DAB1: variants seen among roughly 807,000 people sequenced by gnomAD.
DAB1 encodes disabled homolog 1.
In DAB1, 15 loss-of-function variants were observed where a neutral mutation model predicts 64.6. That is an observed-to-expected ratio of 0.23 (90% CI 0.16 to 0.36). The LOEUF is 0.36. Among genes scored for constraint, DAB1 ranks in the 10% least tolerant of loss-of-function variants. The probability of loss-of-function intolerance (pLI) is 1.00; values close to 1 mark genes in which losing one functional copy is unlikely to be tolerated. For synonymous variants in DAB1, 235 were observed against 251.9 expected, an observed-to-expected ratio of 0.93 and a Z score of 0.64; for missense variants, 596 against 706.7, an observed-to-expected ratio of 0.84 and a Z score of 1.78.
chr1:58,326,553 T>G (rs1210336084), intron 4 of DAB1, among the ~76,000 whole-genome samples: 1 of 152,220 alleles, frequency 6.6e-6, no homozygotes, highest in African/African-American at 2.4e-5. Context: ...TGAGTCACAT[T>G]CAGCAAATGC....
At chr1:57,230,022 T>C (rs546581115) in intron 2 of DAB1, among the ~76,000 whole-genome samples, 58 of 152,352 alleles carry the variant, frequency 3.8e-4, no homozygotes, top group African/African-American at 1.3e-3. Context: ...TATTGAAGCA[T>C]ATATTTCTCC....
At chr1:58,223,626 A>G (rs975129538) in intron 4 of DAB1, among the ~76,000 whole-genome samples, 6 of 152,160 alleles carry the variant, frequency 3.9e-5, no homozygotes, top group South Asian at 2.1e-4. Flanking sequence ...TTTCAGCCCA[A>G]CGAATCTGAA....
chr1:57,306,513 C>CTTTTT (rs1166241090), intron 1 of DAB1, among the ~76,000 whole-genome samples: 15 of 114,316 alleles, frequency 1.3e-4, no homozygotes, highest in Non-Finnish European at 2.2e-4. Flanking sequence ...TTAGAACAGG[C>CTTTTT]TTTTTTTTTT....
chr1:57,293,056 T>A lies in DAB1; in HGVS notation c.-136-1890A>T, dbSNP rs1354660363. Among the ~76,000 whole-genome samples the A allele has an allele frequency of 3.3e-5, 5 of 152,114 alleles. No individual in the cohort carries two copies. The East Asian group carries it at 9.7e-4, about 29-fold the overall frequency. On this transcript the variant is annotated intron_variant, in intron 1 of 14. Coordinates refer to ENST00000371236, the MANE Select transcript of DAB1 (RefSeq NM_001365792.1). ...ATGAATGAATGAATGAATGAGTGGT[T>A]GTCTCAGGCAGAAAGATCAGCATGT...
chr1:57,835,054 T>C (rs879600674), intron 1 of DAB1, among the ~76,000 whole-genome samples: 3 of 152,216 alleles, frequency 2.0e-5, no homozygotes, highest in South Asian at 2.1e-4. Context: ...ATTCTTTGAC[T>C]GATGGATTGG....
At chr1:58,382,342 A>T (rs1181488680) in intron 3 of DAB1, among the ~76,000 whole-genome samples, 1 of 152,206 alleles carries the variant, frequency 6.6e-6, no homozygotes, top group Non-Finnish European at 1.5e-5. Context: ...CAGCTGGGGA[A>T]ATAGTCACAG....
intron 2 of DAB1, among the ~76,000 whole-genome samples, chr1:57,278,561 G>A (rs1458924082): frequency 6.6e-6 from 1 of 152,154 alleles, no homozygotes; most frequent in Non-Finnish European, 1.5e-5. Flanking sequence ...GAATCACAAG[G>A]CTTAATTCCA....
intron 4 of DAB1, among the ~76,000 whole-genome samples, chr1:58,275,220 T>C (rs1661413443): frequency 6.6e-6 from 1 of 152,176 alleles, no homozygotes; most frequent in African/African-American, 2.4e-5. Context: ...CCTAAAACTA[T>C]AAAACTTTCA....
chr1:57,755,253 G>C (rs1353784706), intron 6 of DAB1, among the ~76,000 whole-genome samples: 1 of 151,976 alleles, frequency 6.6e-6, no homozygotes, highest in Non-Finnish European at 1.5e-5. Flanking sequence ...GAGTAGCTTT[G>C]AATCTATAAA....
At chr1:58,205,364 T>C (rs1658213993) in intron 4 of DAB1, among the ~76,000 whole-genome samples, 1 of 152,192 alleles carries the variant, frequency 6.6e-6, no homozygotes, top group Non-Finnish European at 1.5e-5. Context: ...TTTTACTCCA[T>C]GGCTATGACC....
At chr1:57,656,521 T>A (rs926589585) in intron 6 of DAB1, among the ~76,000 whole-genome samples, 4 of 152,362 alleles carry the variant, frequency 2.6e-5, no homozygotes, top group African/African-American at 9.6e-5. Context: ...TGGACCAGAA[T>A]GTGACTGCAG....
chr1:58,263,022 A>G (rs919436564), intron 4 of DAB1, among the ~76,000 whole-genome samples: 1 of 152,236 alleles, frequency 6.6e-6, no homozygotes, highest in African/African-American at 2.4e-5. Context: ...CAAGCCACCT[A>G]GATTTCTGGA....
At chr1:57,784,254 T>C (rs1460205577) in intron 6 of DAB1, among the ~76,000 whole-genome samples, 1 of 151,992 alleles carries the variant, frequency 6.6e-6, no homozygotes, top group Non-Finnish European at 1.5e-5. Context: ...ATTAGCCAAG[T>C]ATGGTGACAT....
At chr1:58,177,093 A>C (rs1656525786) in intron 4 of DAB1, among the ~76,000 whole-genome samples, 1 of 152,132 alleles carries the variant, frequency 6.6e-6, no homozygotes, top group South Asian at 2.1e-4. Context: ...TCATATTATT[A>C]ATTGTATTTT....
chr1:58,482,028 C>T (rs697593), intron 3 of DAB1, among the ~76,000 whole-genome samples: 1,731 of 152,214 alleles, frequency 0.011, 36 homozygotes, highest in African/African-American at 0.04. Context: ...TTTTTAACTC[C>T]AGGAGAAATA....
At chr1:58,373,178 T>G (rs1007306785) in intron 3 of DAB1, among the ~76,000 whole-genome samples, 2 of 151,990 alleles carry the variant, frequency 1.3e-5, no homozygotes, top group Non-Finnish European at 2.9e-5. Flanking sequence ...TCTTTTTTTT[T>G]TTTTTAATTA....
intron 3 of DAB1, among the ~76,000 whole-genome samples, chr1:58,402,181 TC>T (rs1162494326): frequency 6.6e-6 from 1 of 152,102 alleles, no homozygotes; most frequent in Non-Finnish European, 1.5e-5. Flanking sequence ...GAGCTCCAAC[TC>T]CACTCCAGCC....
At chr1:58,334,922 C>T (rs571226676) in intron 4 of DAB1, among the ~76,000 whole-genome samples, 1 of 152,164 alleles carries the variant, frequency 6.6e-6, no homozygotes, top group East Asian at 1.9e-4. Flanking sequence ...TATGCACTAG[C>T]ACTTCTGGGG....
At chr1:57,773,675 TA>T (rs574302849) in intron 6 of DAB1, among the ~76,000 whole-genome samples, 1 of 152,032 alleles carries the variant, frequency 6.6e-6, no homozygotes, top group South Asian at 2.1e-4. Context: ...TCAAGTAATT[TA>T]AGTGTATGAT....
Sources: gnomAD v4.1 joint callset for allele counts (sites outside exome capture counted in the v4.1 genomes callset) on GRCh38, gnomAD v4.1.1 for gene constraint, MANE v1.5 for transcripts, NCBI Gene and HGNC (gene_info 2026-07-23, HGNC 2026-07-21) for gene names.